GHR: variants seen among roughly 807,000 people sequenced by gnomAD.
GHR encodes the protein GH receptor.
Under a neutral mutation model 67.1 loss-of-function variants are expected in GHR, and 35 were observed. That is an observed-to-expected ratio of 0.52 (90% CI 0.40 to 0.69). The LOEUF (loss-of-function observed/expected upper bound fraction) is 0.69, where lower values mean the gene tolerates loss of function less well. Ranked by LOEUF, GHR falls within the 30% of genes least tolerant of loss-of-function variation. The probability of loss-of-function intolerance (pLI) is 0.00; values close to 1 mark genes in which losing one functional copy is unlikely to be tolerated. For synonymous variants in GHR, 272 were observed against 269.1 expected (o/e 1.01, Z -0.10); for missense variants, 792 against 764.6 (o/e 1.04, Z -0.42).
At chr5:42,592,110 C>A (rs1318229141) in intron 2 of GHR, among the ~76,000 whole-genome samples, 1 of 152,132 alleles carries the variant, frequency 6.6e-6, no homozygotes, top group African/African-American at 2.4e-5. Flanking sequence ...TCTGTGGATT[C>A]TCTCAGCTTT....
At chr5:42,675,430 G>T (rs745563930) in intron 3 of GHR, among the ~76,000 whole-genome samples, 1 of 152,142 alleles carries the variant, frequency 6.6e-6, no homozygotes, top group Non-Finnish European at 1.5e-5. Context: ...TGGATAAAGA[G>T]CTAGACATCA....
chr5:42,580,179 A>T (rs1751083419), intron 2 of GHR, among the ~76,000 whole-genome samples: 2 of 152,198 alleles, frequency 1.3e-5, no homozygotes, highest in African/African-American at 2.4e-5. Flanking sequence ...CTCACTTGAA[A>T]AAACTATACT....
intron 3 of GHR, among the ~76,000 whole-genome samples, chr5:42,667,159 G>A (rs1471151641): frequency 1.3e-5 from 2 of 152,118 alleles, no homozygotes; most frequent in Admixed American, 1.3e-4. Context: ...ACACAGCCGT[G>A]AGCATGTTTC....
intron 2 of GHR, among the ~76,000 whole-genome samples, chr5:42,572,442 C>T (rs993732242): frequency 6.6e-6 from 1 of 152,196 alleles, no homozygotes; most frequent in Admixed American, 6.5e-5. Flanking sequence ...AGCAAACTTC[C>T]TCATCATCTG....
intron 2 of GHR, among the ~76,000 whole-genome samples, chr5:42,600,016 C>G (rs769257650): frequency 6.6e-6 from 1 of 152,134 alleles, no homozygotes; most frequent in Non-Finnish European, 1.5e-5. Flanking sequence ...ACTTGTGTAC[C>G]AGAACAGAGT....
rs1003721174 is a variant in GHR, at chr5:42,669,898, A to G, written c.137-18992A>G. Among the ~76,000 whole-genome samples the G allele has an allele frequency of 2.0e-5, 3 of 152,210 alleles. No homozygotes were observed. In the South Asian group the frequency reaches 6.2e-4, roughly 31 times the overall value. ...GAAGATGGTAAAAATAAATGAAAAG[A>G]TAAATATGTATGGATTGGAAGAATT... is the stretch of plus-strand genomic sequence containing the variant. On this transcript the variant is annotated intron_variant, in intron 3 of 9. Coordinates refer to ENST00000230882, the MANE Select transcript of GHR (RefSeq NM_000163.5).
intron 1 of GHR, among the ~76,000 whole-genome samples, chr5:42,474,303 A>AAGAAAGAAAGAAAGAAAGAAAG (rs773163305): frequency 3.4e-4 from 46 of 135,774 alleles, no homozygotes; most frequent in Middle Eastern, 3.7e-3. Context: ...AAGAGAAAGA[A>AAGAAAGAAAGAAAGAAAGAAAG]AGAAAGAAAG....
intron 2 of GHR, among the ~76,000 whole-genome samples, chr5:42,601,700 A>C (rs1431697141): frequency 6.6e-6 from 1 of 152,064 alleles, no homozygotes; most frequent in Non-Finnish European, 1.5e-5. Flanking sequence ...ATGATTTATT[A>C]TAATTTTATG....
chr5:42,690,039 T>G (rs919102388), intron 4 of GHR, among the ~76,000 whole-genome samples: 8 of 152,200 alleles, frequency 5.3e-5, no homozygotes, highest in Non-Finnish European at 1.2e-4. Context: ...CTGTGTATAT[T>G]TTTCCCTTTT....
chr5:42,444,636 A>G (rs1743729773), intron 1 of GHR, among the ~76,000 whole-genome samples: 1 of 152,014 alleles, frequency 6.6e-6, no homozygotes, highest in Admixed American at 6.6e-5. Context: ...CCCTCAACCT[A>G]TCTTTCCATG....
At chr5:42,706,115 T>C (rs892563630) in intron 6 of GHR, among the ~76,000 whole-genome samples, 3 of 152,158 alleles carry the variant, frequency 2.0e-5, no homozygotes, top group African/African-American at 4.8e-5. Flanking sequence ...TATCTCATTA[T>C]GGTTTTGATA....
intron 1 of GHR, among the ~76,000 whole-genome samples, chr5:42,515,317 T>C (rs1747189921): frequency 6.6e-6 from 1 of 152,256 alleles, no homozygotes; most frequent in South Asian, 2.1e-4. Flanking sequence ...CTATTTACAA[T>C]TGTTGTTAAC....
intron 3 of GHR, among the ~76,000 whole-genome samples, chr5:42,668,725 T>C (rs527609849): frequency 6.6e-6 from 1 of 152,204 alleles, no homozygotes; most frequent in South Asian, 2.1e-4. Context: ...CATATTTATC[T>C]TTGTATTTGT....
chr5:42,674,254 C>T (rs544454040), intron 3 of GHR, among the ~76,000 whole-genome samples: 2 of 152,234 alleles, frequency 1.3e-5, no homozygotes, highest in African/African-American at 4.8e-5. Context: ...GAAAAAGTGA[C>T]TGTCCAATAG....
At chr5:42,670,960 C>A (rs573456089) in intron 3 of GHR, among the ~76,000 whole-genome samples, 11 of 150,038 alleles carry the variant, frequency 7.3e-5, no homozygotes, top group African/African-American at 2.4e-4. Flanking sequence ...TAAAACCTGG[C>A]AAAGACACAA....
At chr5:42,615,834 C>T (rs946734826) in intron 2 of GHR, among the ~76,000 whole-genome samples, 1 of 151,702 alleles carries the variant, frequency 6.6e-6, no homozygotes, top group Non-Finnish European at 1.5e-5. Context: ...CCACATATGC[C>T]AATCTATTGT....
intron 3 of GHR, among the ~76,000 whole-genome samples, chr5:42,646,765 A>G (rs1183261485): frequency 6.6e-6 from 1 of 152,138 alleles, no homozygotes; most frequent in African/African-American, 2.4e-5. Flanking sequence ...AAACCAAATG[A>G]AGGCATCTCT....
In GHR at chr5:42,629,213, G is replaced by A. The variant is rs994818445; in HGVS notation, c.136+110G>A. 3 of 676,480 alleles carry A rather than the reference G, an allele frequency of 4.4e-6. 1 individual carries two copies. Among genetic ancestry groups the A allele is most frequent in the Non-Finnish European group, 7.9e-6 (3 of 381,576 alleles). The allele number at this position is 676,480 out of a possible 1,614,324, so 41.9% of individuals were successfully genotyped here. On this transcript the variant is annotated intron_variant, in intron 3 of 9. Transcript: ENST00000230882. ...TTGGGATGGTAGTAACTGGAATAGTGACTGAGTTGAAATTTTATAGGCAAG... is the reference window on the plus strand; with the variant it reads ...TTGGGATGGTAGTAACTGGAATAGTAACTGAGTTGAAATTTTATAGGCAAG...
At chr5:42,437,922 AT>A (rs1743402677) in intron 1 of GHR, among the ~76,000 whole-genome samples, 1 of 151,112 alleles carries the variant, frequency 6.6e-6, no homozygotes, top group African/African-American at 2.4e-5. Context: ...ATTTTCTTAT[AT>A]TGCATAAGCT....
Sources: allele counts gnomAD v4.1 joint callset (sites outside exome capture counted in the v4.1 genomes callset), GRCh38; gene constraint gnomAD v4.1.1; transcripts MANE v1.5; gene names NCBI Gene and HGNC (gene_info 2026-07-23, HGNC 2026-07-21).